Variants in IQCM observed in about 807,000 individuals in gnomAD.
IQCM encodes the protein IQ motif containing M.
In IQCM, 45 loss-of-function variants were observed where a neutral mutation model predicts 57.6. The observed-to-expected ratio is 0.78, with a 90% CI of 0.62 to 1.00. The LOEUF (loss-of-function observed/expected upper bound fraction) is 1.00. Ranked by LOEUF, IQCM falls within the 50% of genes least tolerant of loss-of-function variation. The pLI is 0.00. For missense variants in IQCM, 468 were observed against 511.6 expected (o/e 0.91, Z 0.82); for synonymous variants, 148 against 158.9 (o/e 0.93, Z 0.51).
At position 149,703,432 on chromosome 4, in the gene IQCM, A is replaced by G. The variant is rs112759758; in HGVS notation, c.386-16964T>C. 8.4e-3 allele frequency among the ~76,000 whole-genome samples: 1,274 copies of G among 152,054 alleles called. 23 individuals carry two copies. The highest frequency in any genetic ancestry group is 0.029 in the African/African-American group (1,225 of 41,534). The stretch of plus-strand genomic sequence containing the variant: ...GAGGGCTAGGAAGAATGGATAAAAA[A>G]TACACACAAAATCTCATAACTATCA... On this transcript the variant is annotated intron_variant, in intron 5 of 13. Coordinates refer to ENST00000636793, the MANE Select transcript of IQCM (RefSeq NM_001363507.2).
rs190074094 is a variant in IQCM at position 149,367,773 on chromosome 4, G to A, written c.1391-15707C>T. On this transcript the variant is annotated intron_variant, in intron 13 of 13. Transcript: ENST00000636793. ...AAGTCATATTTCTACCAGCAATGTG[G>A]AACAGTGCATCTTTGCTTAGGTCTC... Among the ~76,000 whole-genome samples the A allele has an allele frequency of 2.6e-3, 401 of 152,058 alleles. 4 individuals carry two copies. Among genetic ancestry groups the A allele is most frequent in the African/African-American group, 9.2e-3 (383 of 41,524 alleles).
chr4:149,696,043 T>C (rs1763309647), intron 5 of IQCM, among the ~76,000 whole-genome samples: 1 of 152,166 alleles, frequency 6.6e-6, no homozygotes, highest in Non-Finnish European at 1.5e-5. Context: ...GCAAACTTTC[T>C]CTTCCTATTG....
chr4:149,375,049 T>C (rs1222522413), intron 13 of IQCM, among the ~76,000 whole-genome samples: 2 of 151,512 alleles, frequency 1.3e-5, no homozygotes, highest in Non-Finnish European at 2.9e-5. Flanking sequence ...GAAGTAGCCA[T>C]TAAGGTAGTC....
rs547574862 is a variant in IQCM at position 149,509,561 on chromosome 4, T to C, written c.1228+38894A>G. On this transcript the variant is annotated intron_variant, in intron 12 of 13. Coordinates refer to ENST00000636793, the MANE Select transcript of IQCM (RefSeq NM_001363507.2). ...CCACACCCAGCCTAGATTTTTATTA[T>C]CTAAAAATATGACTGGAAAAAAACA... is the stretch of plus-strand genomic sequence containing the variant. 5.1e-4 allele frequency among the ~76,000 whole-genome samples: 36 copies of C among 70,888 alleles called. 1 individual carries two copies. In the South Asian group the frequency reaches 0.025, roughly 49 times the overall value. 46.5% of individuals were successfully genotyped at this position (70,888 alleles called of 152,430 possible).
At chr4:149,649,061 T>C (rs1758916832) in intron 7 of IQCM, among the ~76,000 whole-genome samples, 1 of 152,162 alleles carries the variant, frequency 6.6e-6, no homozygotes. Flanking sequence ...CTGACCAAGC[T>C]AGGCTATGCA....
rs1034522155 is a variant in IQCM at position 149,386,350 on chromosome 4, G to A, written c.1391-34284C>T. Among the ~76,000 whole-genome samples the A allele has an allele frequency of 2.0e-5, 3 of 152,098 alleles. No individual in the cohort carries two copies. In the East Asian group the frequency reaches 5.8e-4, roughly 30 times the overall value. ...AATTATTTTTCAAACACAAAGTATA[G>A]AGAATATGTAACAAACTCCATGTAC... is the stretch of plus-strand genomic sequence containing the variant. On this transcript the variant is annotated intron_variant, in intron 13 of 13. Coordinates refer to ENST00000636793, the MANE Select transcript of IQCM (RefSeq NM_001363507.2).
intron 5 of IQCM, among the ~76,000 whole-genome samples, chr4:149,731,586 C>G (rs775584583): frequency 6.6e-6 from 1 of 152,164 alleles, no homozygotes; most frequent in Non-Finnish European, 1.5e-5. Context: ...ATCTTATCAT[C>G]TTCATTTTCA....
At chr4:149,612,021 GAGACCTCA>G (rs1474208287) in intron 8 of IQCM, among the ~76,000 whole-genome samples, 1 of 151,952 alleles carries the variant, frequency 6.6e-6, no homozygotes, top group Non-Finnish European at 1.5e-5. Context: ...CATGGCTGGT[GAGACCTCA>G]AGAAATGTAC....
intron 5 of IQCM, among the ~76,000 whole-genome samples, chr4:149,687,386 A>C (rs1190451043): frequency 6.6e-6 from 1 of 151,516 alleles, no homozygotes; most frequent in East Asian, 1.9e-4. Context: ...ACAGATTGAC[A>C]ATATTCAGAA....
intron 5 of IQCM, among the ~76,000 whole-genome samples, chr4:149,687,685 A>C (rs1319360342): frequency 6.6e-6 from 1 of 151,922 alleles, no homozygotes; most frequent in Non-Finnish European, 1.5e-5. Context: ...ATGAACATAG[A>C]TGCTAACATC....
chr4:149,718,808 T>C (rs1765207829), intron 5 of IQCM, among the ~76,000 whole-genome samples: 3 of 152,180 alleles, frequency 2.0e-5, no homozygotes, highest in Admixed American at 2.0e-4. Context: ...TCCTCTTTTG[T>C]CTGTAATCTC....
At chr4:149,442,691 C>T (rs907032421) in intron 12 of IQCM, among the ~76,000 whole-genome samples, 4 of 151,902 alleles carry the variant, frequency 2.6e-5, no homozygotes, top group African/African-American at 4.8e-5. Flanking sequence ...TAGATATTCT[C>T]TAAGGTAATT....
chr4:149,529,157 G>A (rs553995909), intron 12 of IQCM, among the ~76,000 whole-genome samples: 1 of 152,198 alleles, frequency 6.6e-6, no homozygotes, highest in Non-Finnish European at 1.5e-5. Flanking sequence ...TCAGCCTCCT[G>A]GGTTCAAGCA....
intron 7 of IQCM, among the ~76,000 whole-genome samples, chr4:149,639,154 C>T (rs935697827): frequency 1.7e-4 from 26 of 152,222 alleles, no homozygotes; most frequent in African/African-American, 6.0e-4. Flanking sequence ...GGGATTGGGG[C>T]AGGGGCTCAC....
intron 12 of IQCM, among the ~76,000 whole-genome samples, chr4:149,481,010 G>T (rs1579207967): frequency 6.6e-6 from 1 of 151,996 alleles, no homozygotes; most frequent in Middle Eastern, 3.2e-3. Context: ...ATGATCAGTG[G>T]TATTGAGCAC....
At chr4:149,357,823 C>T (rs1382079883) in intron 13 of IQCM, among the ~76,000 whole-genome samples, 5 of 152,122 alleles carry the variant, frequency 3.3e-5, no homozygotes, top group African/African-American at 1.2e-4. Context: ...AGGAATGGTA[C>T]CAGCTCGTCC....
At chr4:149,714,962 T>C (rs1764867656) in intron 5 of IQCM, among the ~76,000 whole-genome samples, 1 of 152,236 alleles carries the variant, frequency 6.6e-6, no homozygotes, top group Admixed American at 6.5e-5. Context: ...TTAAAACTTA[T>C]GAATTGTTTA....
chr4:149,638,192 T>C (rs1161662807), intron 7 of IQCM, among the ~76,000 whole-genome samples: 1 of 152,168 alleles, frequency 6.6e-6, no homozygotes, highest in Admixed American at 6.5e-5. Context: ...CTAGCATCAT[T>C]AGTCATCAGG....
At chr4:149,559,842 T>C (rs939203045) in intron 10 of IQCM, among the ~76,000 whole-genome samples, 6 of 152,036 alleles carry the variant, frequency 3.9e-5, no homozygotes, top group East Asian at 1.9e-4. Flanking sequence ...AGGAGGTGAA[T>C]TGTGGGTGAG....
Sources: gnomAD v4.1 joint callset for allele counts (sites outside exome capture counted in the v4.1 genomes callset) on GRCh38, gnomAD v4.1.1 for gene constraint, MANE v1.5 for transcripts, NCBI Gene and HGNC (gene_info 2026-07-23, HGNC 2026-07-21) for gene names.